Variants in DYM observed in about 807,000 individuals in gnomAD.
DYM encodes the protein dyggve-Melchior-Clausen syndrome protein.
DYM carries 78 observed loss-of-function variants against 93.1 expected under a neutral mutation model. The ratio of observed to expected loss-of-function variants is 0.84; its 90% confidence interval spans 0.70 to 1.01. The LOEUF is 1.01. Among genes scored for constraint, DYM ranks in the 50% least tolerant of loss-of-function variants. The pLI, the probability that DYM is intolerant of heterozygous loss-of-function variation, is 0.00. For missense variants in DYM, 789 were observed against 845.0 expected (o/e 0.93, Z 0.82); for synonymous variants, 321 against 319.7 (o/e 1.00, Z -0.04).
rs2069010281 is a variant in DYM, at chr18:49,389,748, T to G, written c.193+1845A>C. Among the ~76,000 whole-genome samples the G allele has an allele frequency of 2.6e-5, 4 of 152,256 alleles. No individual in the cohort carries two copies. In the South Asian group the frequency reaches 8.3e-4, roughly 32 times the overall value. ...CTTATTATGTTGCCCAAGCTGGTCT[T>G]GAACTCTGACCTCAAGCAACCCTCC... is the stretch of plus-strand genomic sequence containing the variant. On this transcript the variant is annotated intron_variant, in intron 3 of 17. Coordinates refer to ENST00000675505, the MANE Select transcript of DYM (RefSeq NM_001353214.3).
chr18:49,429,771 A>G (rs937383705), intron 2 of DYM, among the ~76,000 whole-genome samples: 5 of 152,256 alleles, frequency 3.3e-5, no homozygotes, highest in African/African-American at 1.2e-4. Flanking sequence ...TGTTACAACA[A>G]AGACTGGAAA....
chr18:49,079,991 G>T (rs1363401201), intron 17 of DYM, among the ~76,000 whole-genome samples: 1 of 150,344 alleles, frequency 6.7e-6, no homozygotes, highest in African/African-American at 2.5e-5. Context: ...CCGGGCAGAG[G>T]CGCCCCTCAC....
chr18:49,337,849 C>G (rs754868222), intron 6 of DYM, among the ~76,000 whole-genome samples: 4 of 151,798 alleles, frequency 2.6e-5, no homozygotes, highest in South Asian at 2.1e-4. Context: ...AGACGAAGAA[C>G]AAGAAGAAGG....
At chr18:49,393,076 GAAA>G (rs2069524141) in intron 2 of DYM, among the ~76,000 whole-genome samples, 2 of 82,818 alleles carry the variant, frequency 2.4e-5, no homozygotes, top group African/African-American at 7.6e-5. Context: ...GGAGGAGGAG[GAAA>G]GAAGGGAGGG....
chr18:49,272,506 C>G (rs186912455), intron 10 of DYM, among the ~76,000 whole-genome samples: 1 of 152,132 alleles, frequency 6.6e-6, no homozygotes, highest in South Asian at 2.1e-4. Flanking sequence ...TCACCACTAA[C>G]TCTGTGAAGG....
intron 11 of DYM, among the ~76,000 whole-genome samples, chr18:49,269,167 G>A (rs1422396890): frequency 6.6e-6 from 1 of 151,966 alleles, no homozygotes; most frequent in Non-Finnish European, 1.5e-5. Context: ...CTCCAAAAGA[G>A]ACATAAATAT....
At chr18:49,273,802 T>C (rs2094774646) in intron 10 of DYM, among the ~76,000 whole-genome samples, 1 of 150,332 alleles carries the variant, frequency 6.7e-6, no homozygotes, top group Non-Finnish European at 1.5e-5. Context: ...AACATGTGAC[T>C]GTATATTTTA....
chr18:49,264,048 C>A (rs1200715129), intron 11 of DYM, among the ~76,000 whole-genome samples: 1 of 150,428 alleles, frequency 6.6e-6, no homozygotes, highest in East Asian at 1.9e-4. Context: ...TTGTTCTACA[C>A]TGATAACCTG....
At chr18:49,324,485 G>A (rs1222582885) in intron 8 of DYM, among the ~76,000 whole-genome samples, 1 of 152,172 alleles carries the variant, frequency 6.6e-6, no homozygotes, top group Non-Finnish European at 1.5e-5. Context: ...TCTCTTGTGG[G>A]CAATATCTGT....
chr18:49,368,575 C>T (rs1019226369), intron 5 of DYM: 3 of 152,102 alleles, frequency 2.0e-5, no homozygotes, highest in Non-Finnish European at 4.4e-5. Context: ...AACCACCCAA[C>T]CACATACTAT....
intron 17 of DYM, among the ~76,000 whole-genome samples, chr18:49,096,002 T>G (rs1025019178): frequency 6.6e-6 from 1 of 152,090 alleles, no homozygotes; most frequent in African/African-American, 2.4e-5. Flanking sequence ...TTTGTACTGG[T>G]TCACATGGTA....
chr18:49,197,517 C>G (rs2091576469), intron 14 of DYM, among the ~76,000 whole-genome samples: 1 of 151,934 alleles, frequency 6.6e-6, no homozygotes, highest in Non-Finnish European at 1.5e-5. Flanking sequence ...ACAATTCACT[C>G]CCATGGTTCT....
chr18:49,369,019 G>A (rs1398180444), intron 5 of DYM, among the ~76,000 whole-genome samples: 1 of 152,254 alleles, frequency 6.6e-6, no homozygotes, highest in Non-Finnish European at 1.5e-5. Context: ...TGAAAGCGCG[G>A]TGTGCACAGG....
intron 8 of DYM, among the ~76,000 whole-genome samples, chr18:49,289,745 A>ATATATATATG (rs2059938127): frequency 3.2e-5 from 2 of 62,072 alleles, no homozygotes; most frequent in Non-Finnish European, 5.5e-5. Context: ...ATATATATAT[A>ATATATATATG]TATATATATA....
At chr18:49,340,407 G>A (rs934648733) in intron 6 of DYM, among the ~76,000 whole-genome samples, 4 of 152,012 alleles carry the variant, frequency 2.6e-5, no homozygotes, top group Non-Finnish European at 5.9e-5. Flanking sequence ...GTACACATAC[G>A]AATAACATTT....
chr18:49,403,393 A>G (rs145566279), intron 2 of DYM, among the ~76,000 whole-genome samples: 2 of 152,342 alleles, frequency 1.3e-5, no homozygotes, highest in Non-Finnish European at 2.9e-5. Context: ...ATCTCTCAGT[A>G]TTAAGCAACT....
chr18:49,407,947 C>G (rs958016038), intron 2 of DYM, among the ~76,000 whole-genome samples: 4 of 151,494 alleles, frequency 2.6e-5, no homozygotes, highest in Non-Finnish European at 4.4e-5. Context: ...AAAACTGAAC[C>G]AGCCAGGTGC....
chr18:49,298,239 A>G (rs1017430075), intron 8 of DYM, among the ~76,000 whole-genome samples: 7 of 152,220 alleles, frequency 4.6e-5, no homozygotes, highest in African/African-American at 1.7e-4. Context: ...ATGTTTTTTA[A>G]AACTCATAGC....
At chr18:49,045,797 G>C (rs2071410062) in intron 17 of DYM, among the ~76,000 whole-genome samples, 1 of 152,210 alleles carries the variant, frequency 6.6e-6, no homozygotes, top group South Asian at 2.1e-4. Context: ...TGGAGGCTAA[G>C]GAGGGGGTGG....
Sources: gnomAD v4.1 joint callset for allele counts (sites outside exome capture counted in the v4.1 genomes callset) on GRCh38, gnomAD v4.1.1 for gene constraint, MANE v1.5 for transcripts, NCBI Gene and HGNC (gene_info 2026-07-23, HGNC 2026-07-21) for gene names.